The following VWA8 variants were observed in gnomAD, a reference collection of about 807,000 sequenced individuals.
The protein encoded by VWA8 is von Willebrand factor A domain-containing protein 8.
In VWA8, 221 loss-of-function variants were observed where a neutral mutation model predicts 241.5. The observed-to-expected ratio is 0.91, with a 90% CI of 0.82 to 1.02. The LOEUF (loss-of-function observed/expected upper bound fraction) is 1.02, where lower values mean the gene tolerates loss of function less well. VWA8 is among the 50% of genes least tolerant of loss of function. The pLI, the probability that VWA8 is intolerant of heterozygous loss-of-function variation, is 0.00. For synonymous variants in VWA8, 852 were observed against 827.1 expected (o/e 1.03, Z -0.52); for missense variants, 2,322 against 2,328.7 (o/e 1.00, Z 0.06).
chr13:41,671,545 T>TC (rs983551166), intron 36 of VWA8, among the ~76,000 whole-genome samples: 3 of 151,836 alleles, frequency 2.0e-5, no homozygotes, highest in African/African-American at 7.2e-5. Context: ...TGTATCCGCA[T>TC]CCCCCCGCCC....
intron 4 of VWA8, among the ~76,000 whole-genome samples, chr13:41,901,276 T>C (rs1875412673): frequency 6.6e-6 from 1 of 151,930 alleles, no homozygotes; most frequent in Non-Finnish European, 1.5e-5. Flanking sequence ...TGCACTCAGC[T>C]CATCATCACT....
Position 41,699,113 on chromosome 13 carries a change from C to T in VWA8, c.3522G>A (p.Leu1174=), listed in dbSNP as rs376135489. The T allele has an allele frequency of 6.2e-7, 1 of 1,613,876 alleles. No individual in the cohort carries two copies. The highest frequency in any genetic ancestry group is 1.3e-5 in the African/African-American group (1 of 74,898). The part of the protein sequence containing the change: ...VWHPFVTVAP[L]GSPLKGQVVL... Reference sequence around the variant, plus strand: ...CCACTTGACCTTTGAGAGGACTTCCCAGCGGTGCCACTGTCACAAAAGGGT... The same window carrying T: ...CCACTTGACCTTTGAGAGGACTTCCTAGCGGTGCCACTGTCACAAAAGGGT... Residue 1174 remains leucine (L), a synonymous_variant, in exon 29 of 45, where the codon CTG becomes CTA. Coordinates refer to ENST00000379310, the MANE Select transcript of VWA8 (RefSeq NM_015058.2).
intron 19 of VWA8, among the ~76,000 whole-genome samples, chr13:41,783,338 T>C (rs1868980180): frequency 6.6e-6 from 1 of 151,756 alleles, no homozygotes; most frequent in South Asian, 2.1e-4. Context: ...TTCTGTCTTA[T>C]GTCTTAATAA....
chr13:41,621,808 G>C (rs12716679), intron 37 of VWA8, among the ~76,000 whole-genome samples: 11,394 of 152,168 alleles, frequency 0.075, 876 homozygotes, highest in African/African-American at 0.2. Context: ...TAATGGCCAT[G>C]AGGGAGGCAG....
intron 37 of VWA8, among the ~76,000 whole-genome samples, chr13:41,624,884 C>T (rs1379212301): frequency 6.6e-6 from 1 of 152,192 alleles, no homozygotes; most frequent in Non-Finnish European, 1.5e-5. Flanking sequence ...GCAAACATCT[C>T]TCTTCTCCAA....
intron 37 of VWA8, among the ~76,000 whole-genome samples, chr13:41,630,950 G>A (rs1424862489): frequency 6.6e-6 from 1 of 152,036 alleles, no homozygotes; most frequent in Non-Finnish European, 1.5e-5. Context: ...GTGCCTGATG[G>A]GACTCTTTCC....
At position 41,787,556 on chromosome 13, in the gene VWA8, G is replaced by A. The variant is rs772259589; in HGVS notation, c.2064-13C>T. On this transcript the variant is annotated splice_polypyrimidine_tract_variant and intron_variant, in intron 17 of 44. Coordinates refer to ENST00000379310, the MANE Select transcript of VWA8 (RefSeq NM_015058.2). ...ACTGGGTAAAAACCTGGAGGATGAA[G>A]AGGGAGGAAGGGGGAAATGGCTTAA... The A allele has an allele frequency of 6.3e-7, 1 of 1,581,234 alleles. No homozygotes were observed. Among genetic ancestry groups the A allele is most frequent in the Non-Finnish European group, 8.7e-7 (1 of 1,151,452 alleles).
At chr13:41,685,315 C>A in intron 34 of VWA8, 73 bp from the exon 35 acceptor site, 1 of 1,387,478 alleles carries the variant, frequency 7.2e-7, no homozygotes, top group Non-Finnish European at 9.8e-7. Flanking sequence ...CAACGCAGCC[C>A]TTTAAGCAGA....
At chr13:41,785,570 T>A (rs908252091) in intron 18 of VWA8, among the ~76,000 whole-genome samples, 1 of 152,078 alleles carries the variant, frequency 6.6e-6, no homozygotes, top group Admixed American at 6.6e-5. Context: ...TTCTATGGAG[T>A]GCTGTGAACA....
intron 21 of VWA8, among the ~76,000 whole-genome samples, chr13:41,749,620 G>C (rs2045638297): frequency 6.6e-6 from 1 of 152,088 alleles, no homozygotes; most frequent in Non-Finnish European, 1.5e-5. Flanking sequence ...GTCCAACAAT[G>C]ATAGACTAGA....
chr13:41,840,203 T>C (rs779752015), intron 12 of VWA8, among the ~76,000 whole-genome samples: 2 of 152,178 alleles, frequency 1.3e-5, no homozygotes, highest in Non-Finnish European at 2.9e-5. Context: ...CTTGTGATTT[T>C]TGCACATTGA....
intron 37 of VWA8, among the ~76,000 whole-genome samples, chr13:41,616,990 G>A (rs746966645): frequency 3.3e-5 from 5 of 152,100 alleles, no homozygotes; most frequent in African/African-American, 9.7e-5. Context: ...GAGTCTGGGC[G>A]CAGTGGCTCA....
chr13:41,788,867 C>T (rs1593773845), intron 17 of VWA8, among the ~76,000 whole-genome samples: 1 of 152,162 alleles, frequency 6.6e-6, no homozygotes, highest in East Asian at 1.9e-4. Flanking sequence ...TTCCCCAACA[C>T]GTATATAGTC....
At chr13:41,674,101 C>T (rs1349161998) in intron 36 of VWA8, among the ~76,000 whole-genome samples, 2 of 152,124 alleles carry the variant, frequency 1.3e-5, no homozygotes, top group African/African-American at 4.8e-5. Flanking sequence ...TAGGATGTTC[C>T]AAGAAGTCAT....
intron 2 of VWA8, chr13:41,926,886 C>A: frequency 1.7e-6 from 1 of 576,590 alleles, no homozygotes; most frequent in East Asian, 4.7e-5. Context: ...TGAATGCCCT[C>A]TACCTTGGAC....
At chr13:41,568,558 A>AAAAG in intron 44 of VWA8, among the ~76,000 whole-genome samples, 1 of 152,358 alleles carries the variant, frequency 6.6e-6, no homozygotes, top group East Asian at 1.9e-4. Flanking sequence ...AGTGAATTTG[A>AAAAG]AAAGAAAAAA....
At chr13:41,637,260 G>A (rs2044764491) in intron 37 of VWA8, among the ~76,000 whole-genome samples, 1 of 151,534 alleles carries the variant, frequency 6.6e-6, no homozygotes, top group East Asian at 1.9e-4. Context: ...CATGTCCTTT[G>A]TAGGGACATG....
chr13:41,880,077 C>T (rs1874096498), intron 9 of VWA8, among the ~76,000 whole-genome samples: 1 of 152,132 alleles, frequency 6.6e-6, no homozygotes, highest in Non-Finnish European at 1.5e-5. Context: ...GTTAACTATA[C>T]AATGAGGAAA....
chr13:41,641,972 A>T (rs908754284), intron 37 of VWA8, among the ~76,000 whole-genome samples: 1 of 152,226 alleles, frequency 6.6e-6, no homozygotes. Context: ...CCAGTCGGTC[A>T]TATGTCTTGC....
Sources: gnomAD v4.1 joint callset for allele counts (sites outside exome capture counted in the v4.1 genomes callset) on GRCh38, gnomAD v4.1.1 for gene constraint, MANE v1.5 for transcripts, NCBI Gene and HGNC (gene_info 2026-07-23, HGNC 2026-07-21) for gene names.